KCNK2: variants seen among roughly 807,000 people sequenced by gnomAD.
KCNK2 encodes potassium two pore domain channel subfamily K member 2, also known as potassium channel subfamily K member 2.
KCNK2 carries 21 observed loss-of-function variants against 40.5 expected under a neutral mutation model. The observed-to-expected ratio is 0.52, with a 90% CI of 0.37 to 0.75. KCNK2 has a LOEUF of 0.75. Ranked by LOEUF, KCNK2 falls within the 30% of genes least tolerant of loss-of-function variation. The pLI, the probability that KCNK2 is intolerant of heterozygous loss-of-function variation, is 0.00. For missense variants in KCNK2, 399 were observed against 531.6 expected (o/e 0.75, Z 2.45); for synonymous variants, 191 against 202.2 (o/e 0.94, Z 0.47).
intron 6 of KCNK2, among the ~76,000 whole-genome samples, chr1:215,226,642 A>G (rs771027673): frequency 3.9e-5 from 6 of 152,138 alleles, no homozygotes; most frequent in Non-Finnish European, 8.8e-5. Flanking sequence ...CTTTAACTTC[A>G]AAGATTGCAT....
chr1:215,059,208 C>T (rs965668908), intron 1 of KCNK2, among the ~76,000 whole-genome samples: 1 of 151,862 alleles, frequency 6.6e-6, no homozygotes, highest in Non-Finnish European at 1.5e-5. Context: ...ATTTTAGCTC[C>T]AGGAGAGCAG....
At position 215,133,680 on chromosome 1, in the gene KCNK2, T is replaced by C. The variant is rs61818326; in HGVS notation, c.475+8930T>C. On this transcript the variant is annotated intron_variant, in intron 3 of 6. Coordinates refer to ENST00000444842, the MANE Select transcript of KCNK2 (RefSeq NM_001017425.3). ...TTACTTACTCTTGGAAAATTGGCAT[T>C]GTTATTTATGTGGTAGGGTGCATAT... Among the ~76,000 whole-genome samples the C allele has an allele frequency of 9.6e-3, 1,458 of 152,152 alleles. 21 individuals carry two copies. Among genetic ancestry groups the C allele is most frequent in the South Asian group, 0.06 (291 of 4,816 alleles).
At chr1:215,096,036 G>A (rs1301589375) in intron 2 of KCNK2, among the ~76,000 whole-genome samples, 1 of 152,064 alleles carries the variant, frequency 6.6e-6, no homozygotes, top group Non-Finnish European at 1.5e-5. Flanking sequence ...CTAAATTCAC[G>A]TGCTACCTGT....
intron 2 of KCNK2, among the ~76,000 whole-genome samples, chr1:215,094,769 A>AAAATGAG: frequency 6.6e-6 from 1 of 152,124 alleles, no homozygotes; most frequent in African/African-American, 2.4e-5. Context: ...TATTGGATAC[A>AAAATGAG]AAATGAGAAA....
rs1329993150 is a variant in KCNK2 at position 215,137,281 on chromosome 1, T to A, written c.475+12531T>A. ...TATTTAGGAAAATAAGTTAAAAGAT[T>A]TAGGTCATTTATTTCATAAAGGTGA... is the stretch of plus-strand genomic sequence containing the variant. On this transcript the variant is annotated intron_variant, in intron 3 of 6. Transcript: ENST00000444842. Among the ~76,000 whole-genome samples, 4 of 152,244 alleles carry A rather than the reference T, an allele frequency of 2.6e-5. No homozygotes were observed. The East Asian group carries it at 5.8e-4, about 22-fold the overall frequency.
chr1:215,048,733 C>A (rs1657874622), intron 1 of KCNK2, among the ~76,000 whole-genome samples: 1 of 152,128 alleles, frequency 6.6e-6, no homozygotes, highest in South Asian at 2.1e-4. Context: ...GGATTAAAAT[C>A]CAGCCCTACT....
chr1:215,068,660 A>G (rs1658642531), intron 1 of KCNK2, among the ~76,000 whole-genome samples: 1 of 152,232 alleles, frequency 6.6e-6, no homozygotes, highest in South Asian at 2.1e-4. Context: ...ATAGAACAAT[A>G]AACATTTGAC....
chr1:215,124,525 T>C, intron 2 of KCNK2, 108 bp from the exon 3 acceptor site: 1 of 751,644 alleles, frequency 1.3e-6, no homozygotes, highest in Non-Finnish European at 2.4e-6. Context: ...AGCAAAATGT[T>C]AGAGTTGATT....
intron 1 of KCNK2, among the ~76,000 whole-genome samples, chr1:215,069,796 A>G (rs1571882477): frequency 6.6e-6 from 1 of 152,316 alleles, no homozygotes; most frequent in East Asian, 1.9e-4. Flanking sequence ...ATGTGAATCT[A>G]TGTTGTAACA....
At chr1:215,118,214 A>C (rs1342244411) in intron 2 of KCNK2, among the ~76,000 whole-genome samples, 1 of 152,118 alleles carries the variant, frequency 6.6e-6, no homozygotes, top group African/African-American at 2.4e-5. Flanking sequence ...AGGTAATCAT[A>C]GTGTTGACAC....
At chr1:215,211,132 A>G (rs1310799998) in intron 6 of KCNK2, among the ~76,000 whole-genome samples, 2 of 152,094 alleles carry the variant, frequency 1.3e-5, no homozygotes, top group East Asian at 3.9e-4. Flanking sequence ...TCCTCAGAGT[A>G]AAAGCGAATG....
intron 1 of KCNK2, among the ~76,000 whole-genome samples, chr1:215,063,823 G>T (rs1658440383): frequency 6.6e-6 from 1 of 152,146 alleles, no homozygotes; most frequent in Non-Finnish European, 1.5e-5. Flanking sequence ...CGGAGGGATA[G>T]GGTGCCAAAT....
chr1:215,162,374 T>C (rs553487073), intron 3 of KCNK2, among the ~76,000 whole-genome samples: 70 of 152,344 alleles, frequency 4.6e-4, no homozygotes, highest in African/African-American at 1.6e-3. Context: ...GTATGTTGCC[T>C]GTTCACTCTG....
At chr1:215,034,438 A>G (rs1294243728) in intron 1 of KCNK2, among the ~76,000 whole-genome samples, 1 of 151,900 alleles carries the variant, frequency 6.6e-6, no homozygotes, top group African/African-American at 2.4e-5. Context: ...TTGGTTCAAT[A>G]GTAAGAATGG....
chr1:215,125,777 T>TATATATAA (rs1351841467), intron 3 of KCNK2, among the ~76,000 whole-genome samples: 6 of 42,426 alleles, frequency 1.4e-4, no homozygotes, highest in Non-Finnish European at 3.8e-4. Context: ...TATATATATA[T>TATATATAA]AAAATAAAAT....
At chr1:215,012,153 T>C (rs1303298644) in intron 1 of KCNK2, among the ~76,000 whole-genome samples, 1 of 152,170 alleles carries the variant, frequency 6.6e-6, no homozygotes, top group African/African-American at 2.4e-5. Context: ...AAGTTTTCAT[T>C]CTTCTAAATA....
chr1:215,043,240 A>G (rs1657627191), intron 1 of KCNK2, among the ~76,000 whole-genome samples: 1 of 152,198 alleles, frequency 6.6e-6, no homozygotes. Context: ...ACAGTACGGT[A>G]GTTCCTCAAA....
intron 6 of KCNK2, among the ~76,000 whole-genome samples, chr1:215,195,594 G>A (rs182084071): frequency 1.6e-4 from 24 of 151,906 alleles, no homozygotes; most frequent in East Asian, 1.2e-3. Flanking sequence ...CATTATGGCC[G>A]TTTTCCCTGT....
At chr1:215,017,905 G>T (rs12084973) in intron 1 of KCNK2, among the ~76,000 whole-genome samples, 1,953 of 152,112 alleles carry the variant, frequency 0.013, 39 homozygotes, top group African/African-American at 0.045. Flanking sequence ...GCCAAAAATG[G>T]TGGGCAGATA....
Sources: allele counts gnomAD v4.1 joint callset (sites outside exome capture counted in the v4.1 genomes callset), GRCh38; gene constraint gnomAD v4.1.1; transcripts MANE v1.5; gene names NCBI Gene and HGNC (gene_info 2026-07-23, HGNC 2026-07-21).